RALGAPA2: variants seen among roughly 807,000 people sequenced by gnomAD.
RALGAPA2 encodes ral GTPase-activating protein subunit alpha-2.
Under a neutral mutation model 230.4 loss-of-function variants are expected in RALGAPA2, and 139 were observed. The observed-to-expected ratio is 0.60, with a 90% confidence interval of 0.53 to 0.69. RALGAPA2 has a LOEUF of 0.69. Ranked by LOEUF, RALGAPA2 falls within the 30% of genes least tolerant of loss-of-function variation. The probability of loss-of-function intolerance (pLI) is 0.00; values close to 1 mark genes in which losing one functional copy is unlikely to be tolerated. For missense variants in RALGAPA2, 2,163 were observed against 2,276.0 expected, an observed-to-expected ratio of 0.95 and a Z score of 1.01; for synonymous variants, 847 against 837.8, an observed-to-expected ratio of 1.01 and a Z score of -0.19.
At chr20:20,701,159 C>G (rs2069341529) in intron 1 of RALGAPA2, among the ~76,000 whole-genome samples, 1 of 152,222 alleles carries the variant, frequency 6.6e-6, no homozygotes, top group South Asian at 2.1e-4. Flanking sequence ...GATTCTGCCA[C>G]TCATTGGATG....
chr20:20,638,212 C>A (rs1221577252), intron 7 of RALGAPA2, among the ~76,000 whole-genome samples: 2 of 152,176 alleles, frequency 1.3e-5, no homozygotes, highest in African/African-American at 4.8e-5. Context: ...GCAGTCACCC[C>A]CAACATGACT....
chr20:20,618,026 A>T (rs908995533), intron 12 of RALGAPA2, among the ~76,000 whole-genome samples: 3 of 152,200 alleles, frequency 2.0e-5, no homozygotes, highest in East Asian at 1.9e-4. Context: ...ATATAAAAAA[A>T]TTTTTTTTCT....
intron 33 of RALGAPA2, among the ~76,000 whole-genome samples, chr20:20,508,123 G>A (rs2062588587): frequency 2.0e-5 from 3 of 152,290 alleles, no homozygotes; most frequent in African/African-American, 7.2e-5. Flanking sequence ...ATGATGGGCT[G>A]ACCAATGTGA....
chr20:20,628,831 C>T lies in RALGAPA2; in HGVS notation c.1233+532G>A, dbSNP rs1041178971. Among the ~76,000 whole-genome samples, 5 of 152,176 alleles carry T rather than the reference C, an allele frequency of 3.3e-5. No homozygotes were observed. In the East Asian group the frequency reaches 5.8e-4, roughly 18 times the overall value. On this transcript the variant is annotated intron_variant, in intron 10 of 39. Coordinates refer to ENST00000202677, the MANE Select transcript of RALGAPA2 (RefSeq NM_020343.4). Reference sequence around the variant, plus strand: ...TCCTTCCTTTGCTCACACCTCTTTTCGTGTCTTGGCCTCTGCTCCTTTCTT... The same window carrying T: ...TCCTTCCTTTGCTCACACCTCTTTTTGTGTCTTGGCCTCTGCTCCTTTCTT...
chr20:20,430,326 A>G (rs962997743), intron 37 of RALGAPA2, among the ~76,000 whole-genome samples: 4 of 152,206 alleles, frequency 2.6e-5, no homozygotes, highest in African/African-American at 4.8e-5. Flanking sequence ...TCAATCACTG[A>G]CTACCGTGGC....
intron 39 of RALGAPA2, among the ~76,000 whole-genome samples, chr20:20,394,729 A>T (rs991899963): frequency 2.0e-5 from 3 of 152,050 alleles, no homozygotes; most frequent in African/African-American, 7.2e-5. Flanking sequence ...GAGAAGCTAG[A>T]TTGTTACAAG....
chr20:20,503,981 A>AAG lies in RALGAPA2; in HGVS notation c.5053-476_5053-475insCT, dbSNP rs577628781. Among the ~76,000 whole-genome samples the AAG allele has an allele frequency of 1.2e-3, 183 of 152,348 alleles. 1 individual carries two copies. Among genetic ancestry groups the AAG allele is most frequent in the African/African-American group, 4.3e-3 (177 of 41,582 alleles). On this transcript the variant is annotated intron_variant, in intron 34 of 39. Transcript: ENST00000202677. ...TTCAAAAGGGTTGAACAACCACTTT[A>AAG]CACCACTGCCGAAAGTTTATGAGTC...
chr20:20,426,762 G>A (rs182700900), intron 37 of RALGAPA2, among the ~76,000 whole-genome samples: 36 of 152,352 alleles, frequency 2.4e-4, no homozygotes, highest in East Asian at 2.3e-3. Flanking sequence ...CAGGTGTGGC[G>A]TCTGCAGCAG....
intron 36 of RALGAPA2, among the ~76,000 whole-genome samples, chr20:20,492,500 A>G (rs1414754820): frequency 6.6e-6 from 1 of 152,214 alleles, no homozygotes; most frequent in Non-Finnish European, 1.5e-5. Context: ...CCTTTTGAGT[A>G]CAAAGCCTTC....
intron 3 of RALGAPA2, among the ~76,000 whole-genome samples, chr20:20,672,103 A>G (rs1284326803): frequency 6.6e-6 from 1 of 152,182 alleles, no homozygotes; most frequent in East Asian, 1.9e-4. Flanking sequence ...AGCTATGGTA[A>G]GTTTAGGGAA....
chr20:20,497,625 T>G (rs2123630513), intron 35 of RALGAPA2, among the ~76,000 whole-genome samples: 1 of 152,376 alleles, frequency 6.6e-6, no homozygotes, highest in Admixed American at 6.5e-5. Context: ...GACTGTGAGG[T>G]AATACCGTGA....
At chr20:20,550,009 G>C (rs2063879252) in intron 23 of RALGAPA2, among the ~76,000 whole-genome samples, 1 of 152,090 alleles carries the variant, frequency 6.6e-6, no homozygotes, top group African/African-American at 2.4e-5. Flanking sequence ...TATTTCCATA[G>C]GTTTTTGGGG....
At chr20:20,674,188 A>AAATAATAATAAT (rs72521913) in intron 3 of RALGAPA2, among the ~76,000 whole-genome samples, 22 of 146,282 alleles carry the variant, frequency 1.5e-4, no homozygotes, top group African/African-American at 4.0e-4. Context: ...ACCCTGACTC[A>AAATAATAATAAT]AATAATAATA....
chr20:20,432,405 C>T (rs781530539), intron 37 of RALGAPA2, among the ~76,000 whole-genome samples: 18 of 152,152 alleles, frequency 1.2e-4, no homozygotes, highest in African/African-American at 4.3e-4. Context: ...GAGCTCGTGA[C>T]GGTGCTAACC....
chr20:20,474,340 A>G (rs1569428896), intron 36 of RALGAPA2, among the ~76,000 whole-genome samples: 3 of 152,210 alleles, frequency 2.0e-5, no homozygotes. Context: ...GCAGGTCACA[A>G]GGGGTGCTTT....
intron 24 of RALGAPA2, among the ~76,000 whole-genome samples, chr20:20,544,397 A>C (rs1407599114): frequency 6.6e-6 from 1 of 151,782 alleles, no homozygotes; most frequent in African/African-American, 2.4e-5. Flanking sequence ...GAGAAATAGG[A>C]ATGCTTTTAC....
chr20:20,533,024 G>GA (rs896423907), intron 26 of RALGAPA2, among the ~76,000 whole-genome samples: 18 of 141,682 alleles, frequency 1.3e-4, no homozygotes, highest in African/African-American at 3.6e-4. Context: ...AAATAGAATG[G>GA]AAAAAAAATC....
intron 34 of RALGAPA2, chr20:20,505,178 T>C: frequency 4.1e-6 from 4 of 984,662 alleles, no homozygotes; most frequent in Non-Finnish European, 4.8e-6. Flanking sequence ...TCAGTTCTGA[T>C]AAAAAGCAAA....
At chr20:20,434,054 G>A (rs1032265243) in intron 37 of RALGAPA2, among the ~76,000 whole-genome samples, 2 of 152,206 alleles carry the variant, frequency 1.3e-5, no homozygotes, top group Admixed American at 1.3e-4. Flanking sequence ...GATGTACTGG[G>A]AAGTCCATGA....
Sources: gnomAD v4.1 joint callset for allele counts (sites outside exome capture counted in the v4.1 genomes callset) on GRCh38, gnomAD v4.1.1 for gene constraint, MANE v1.5 for transcripts, NCBI Gene and HGNC (gene_info 2026-07-23, HGNC 2026-07-21) for gene names.